Variants in CTNNA3 observed in about 807,000 individuals in gnomAD.
CTNNA3 encodes the protein catenin alpha 3.
In CTNNA3, 76 loss-of-function variants were observed where a neutral mutation model predicts 95.7. That is an observed-to-expected ratio of 0.79 (90% CI 0.66 to 0.96). The LOEUF (loss-of-function observed/expected upper bound fraction) is 0.96, where lower values mean the gene tolerates loss of function less well. CTNNA3 is among the 40% of genes least tolerant of loss of function. The probability of loss-of-function intolerance (pLI) is 0.00; values close to 1 mark genes in which losing one functional copy is unlikely to be tolerated. For synonymous variants in CTNNA3, 431 were observed against 374.4 expected (o/e 1.15, Z -1.74); for missense variants, 1,191 against 1,089.8 (o/e 1.09, Z -1.31).
At chr10:67,047,483 T>A (rs1854825998) in intron 7 of CTNNA3, among the ~76,000 whole-genome samples, 2 of 152,134 alleles carry the variant, frequency 1.3e-5, no homozygotes, top group African/African-American at 4.8e-5. Context: ...GTTACTGCAT[T>A]ATATTTAAAC....
intron 11 of CTNNA3, among the ~76,000 whole-genome samples, chr10:66,425,482 C>A (rs1021820995): frequency 3.3e-5 from 5 of 151,840 alleles, no homozygotes; most frequent in Admixed American, 2.0e-4. Flanking sequence ...TACACACACT[C>A]AGATACGCAT....
Position 66,970,023 on chromosome 10 carries a change from T to C in CTNNA3, c.1048-194499A>G, listed in dbSNP as rs77915463. On this transcript the variant is annotated intron_variant, in intron 7 of 17. Coordinates refer to ENST00000433211, the MANE Select transcript of CTNNA3 (RefSeq NM_013266.4). ...AAAGTACTATAAGGCTAGAATTGAC[T>C]TGGAGTCAAGGCGAGTTCCATAGGT... Among the ~76,000 whole-genome samples, 851 of 152,240 alleles carry C rather than the reference T, an allele frequency of 5.6e-3. 12 individuals carry two copies. Among genetic ancestry groups the C allele is most frequent in the African/African-American group, 0.019 (806 of 41,526 alleles).
chr10:66,946,343 G>A (rs1848272980), intron 7 of CTNNA3, among the ~76,000 whole-genome samples: 1 of 152,118 alleles, frequency 6.6e-6, no homozygotes, highest in African/African-American at 2.4e-5. Context: ...AATTAAGTTA[G>A]CAATATTTTA....
intron 16 of CTNNA3, among the ~76,000 whole-genome samples, chr10:65,973,844 C>G (rs1271257746): frequency 2.0e-5 from 3 of 152,066 alleles, no homozygotes. Context: ...CCCTATTACC[C>G]AAACACCTCC....
intron 9 of CTNNA3, among the ~76,000 whole-genome samples, chr10:66,658,556 A>G (rs956823024): frequency 2.6e-5 from 4 of 152,208 alleles, no homozygotes; most frequent in African/African-American, 9.7e-5. Flanking sequence ...GACAAAGCCA[A>G]TGAGTGAGGC....
At chr10:66,814,841 AG>A in intron 7 of CTNNA3, among the ~76,000 whole-genome samples, 1 of 145,992 alleles carries the variant, frequency 6.8e-6, no homozygotes, top group African/African-American at 2.5e-5. Context: ...AACATATAAA[AG>A]TTAGCATTCT....
chr10:66,972,312 T>C (rs1012823677), intron 7 of CTNNA3, among the ~76,000 whole-genome samples: 2 of 152,164 alleles, frequency 1.3e-5, no homozygotes, highest in Non-Finnish European at 2.9e-5. Context: ...TTATACTATA[T>C]ATAGCATCAA....
intron 5 of CTNNA3, among the ~76,000 whole-genome samples, chr10:67,459,649 T>G (rs1847304429): frequency 6.6e-6 from 1 of 152,210 alleles, no homozygotes; most frequent in Non-Finnish European, 1.5e-5. Context: ...GATCATAAAC[T>G]GTACTTGTCT....
At chr10:66,454,601 C>T (rs2093483821) in intron 11 of CTNNA3, among the ~76,000 whole-genome samples, 1 of 149,598 alleles carries the variant, frequency 6.7e-6, no homozygotes, top group Admixed American at 6.7e-5. Context: ...TTTAAATCTT[C>T]TCAAAAATGT....
chr10:65,924,245 A>G (rs2077132246), intron 17 of CTNNA3, among the ~76,000 whole-genome samples: 1 of 152,158 alleles, frequency 6.6e-6, no homozygotes, highest in East Asian at 1.9e-4. Context: ...TCTCAACACC[A>G]GTGTTTCAAC....
In CTNNA3 at chr10:67,566,155, G is replaced by A. The variant is rs1197860396; in HGVS notation, c.293-26486C>T. Among the ~76,000 whole-genome samples, 4 of 130,492 alleles carry A rather than the reference G, an allele frequency of 3.1e-5. No individual in the cohort carries two copies. The South Asian group carries it at 8.5e-4, about 28-fold the overall frequency. 85.6% of individuals were successfully genotyped at this position (130,492 alleles called of 152,430 possible). On this transcript the variant is annotated intron_variant, in intron 3 of 17. Coordinates refer to ENST00000433211, the MANE Select transcript of CTNNA3 (RefSeq NM_013266.4). Reference sequence around the variant, plus strand: ...AACACCAAAAGCAATGGCAACAAAAGCCAAAATTGACAAATGGGATCTAAT... The same window carrying A: ...AACACCAAAAGCAATGGCAACAAAAACCAAAATTGACAAATGGGATCTAAT...
At position 66,360,822 on chromosome 10, in the gene CTNNA3, TTTCTTTC is replaced by T. The variant is rs1218473476; in HGVS notation, c.1732+18323_1732+18329del. ...CTTCCTTCCTTCCTTCCTTCCTTTC[TTTCTTTC>T]TTTCTTTCTTTCTTTCTTTCTTTCT... is the stretch of plus-strand genomic sequence containing the variant. On this transcript the variant is annotated intron_variant, in intron 12 of 17. Transcript: ENST00000433211. Among the ~76,000 whole-genome samples the T allele has an allele frequency of 6.1e-4, 38 of 62,052 alleles. 2 individuals are homozygous for T. In the East Asian group the frequency reaches 0.026, roughly 43 times the overall value. The allele number at this position is 62,052 out of a possible 152,430, so 40.7% of individuals were successfully genotyped here. A position where few individuals can be genotyped will look rare whatever the true frequency, so the allele number is the denominator to read the frequency against.
At chr10:66,776,849 T>C (rs943479488) in intron 7 of CTNNA3, among the ~76,000 whole-genome samples, 2 of 152,228 alleles carry the variant, frequency 1.3e-5, no homozygotes, top group Non-Finnish European at 2.9e-5. Context: ...TATGATACTG[T>C]TAGAATCCTG....
intron 10 of CTNNA3, among the ~76,000 whole-genome samples, chr10:66,565,956 G>T (rs541378151): frequency 6.6e-6 from 1 of 152,176 alleles, no homozygotes; most frequent in Admixed American, 6.5e-5. Context: ...AAAAGGAAAT[G>T]AGGTAAATAA....
In CTNNA3 at chr10:66,008,638, T is replaced by A. The variant is rs191393996; in HGVS notation, c.2160-19841A>T. On this transcript the variant is annotated intron_variant, in intron 15 of 17. Transcript: ENST00000433211. Reference sequence around the variant, plus strand: ...TCTTTATGTTATACCTGCATTATCATGCTACTAAGTTATGTATAAGATGTA... The same window carrying A: ...TCTTTATGTTATACCTGCATTATCAAGCTACTAAGTTATGTATAAGATGTA... 4.9e-4 allele frequency among the ~76,000 whole-genome samples: 74 copies of A among 152,318 alleles called. 1 individual carries two copies. The highest frequency in any genetic ancestry group is 2.3e-3 in the Admixed American group (35 of 15,304).
intron 7 of CTNNA3, among the ~76,000 whole-genome samples, chr10:66,972,928 T>C (rs1849810340): frequency 6.6e-6 from 1 of 152,062 alleles, no homozygotes; most frequent in African/African-American, 2.4e-5. Flanking sequence ...ACAAGTTTCA[T>C]AGATTAAAAA....
chr10:67,116,118 T>A (rs1335500817), intron 7 of CTNNA3, among the ~76,000 whole-genome samples: 1 of 151,974 alleles, frequency 6.6e-6, no homozygotes, highest in Non-Finnish European at 1.5e-5. Flanking sequence ...TCATATCAAT[T>A]GCATTTGCAG....
chr10:65,948,251 A>C (rs868652392), intron 17 of CTNNA3, among the ~76,000 whole-genome samples: 1 of 147,376 alleles, frequency 6.8e-6, no homozygotes, highest in East Asian at 2.0e-4. Flanking sequence ...ACTGCACTCC[A>C]GCCTGGGCAA....
intron 13 of CTNNA3, among the ~76,000 whole-genome samples, chr10:66,160,676 C>CTA (rs1589596995): frequency 6.6e-6 from 1 of 151,994 alleles, no homozygotes; most frequent in African/African-American, 2.4e-5. Context: ...ATGAAATGTT[C>CTA]TATATATATC....
Sources: allele counts gnomAD v4.1 joint callset (sites outside exome capture counted in the v4.1 genomes callset), GRCh38; gene constraint gnomAD v4.1.1; transcripts MANE v1.5; gene names NCBI Gene and HGNC (gene_info 2026-07-23, HGNC 2026-07-21).